KCNIP4: variants seen among roughly 807,000 people sequenced by gnomAD.
The protein encoded by KCNIP4 is Kv channel-interacting protein 4.
A neutral mutation model predicts 34.0 loss-of-function variants in KCNIP4; 12 were observed. The observed-to-expected ratio is 0.35, with a 90% CI of 0.23 to 0.57. KCNIP4 has a LOEUF of 0.57. KCNIP4 is among the 20% of genes least tolerant of loss of function. The pLI is 0.83. For synonymous variants in KCNIP4, 124 were observed against 102.2 expected, an observed-to-expected ratio of 1.21 and a Z score of -1.29; for missense variants, 238 against 311.7, an observed-to-expected ratio of 0.76 and a Z score of 1.78.
chr4:20,948,458 G>A (rs998110764), intron 1 of KCNIP4, among the ~76,000 whole-genome samples: 3 of 152,196 alleles, frequency 2.0e-5, no homozygotes, highest in Non-Finnish European at 4.4e-5. Context: ...CCAGCTTTGA[G>A]GGGGCTCTTA....
intron 1 of KCNIP4, among the ~76,000 whole-genome samples, chr4:21,922,478 A>G (rs566764633): frequency 3.3e-5 from 5 of 152,338 alleles, no homozygotes; most frequent in Non-Finnish European, 5.9e-5. Context: ...CTACCTTAGG[A>G]AAAGTATTTT....
chr4:21,460,926 A>G (rs1729411261), intron 1 of KCNIP4, among the ~76,000 whole-genome samples: 1 of 152,046 alleles, frequency 6.6e-6, no homozygotes, highest in Non-Finnish European at 1.5e-5. Flanking sequence ...CAGGTTCACA[A>G]ATTATTTATT....
chr4:21,717,703 T>C (rs1343010460), intron 1 of KCNIP4, among the ~76,000 whole-genome samples: 1 of 152,182 alleles, frequency 6.6e-6, no homozygotes, highest in Non-Finnish European at 1.5e-5. Context: ...TTTGCACATA[T>C]TAGCCTATGT....
chr4:21,520,873 G>A (rs187821443), intron 1 of KCNIP4, among the ~76,000 whole-genome samples: 190 of 152,176 alleles, frequency 1.2e-3, no homozygotes, highest in Non-Finnish European at 2.4e-3. Flanking sequence ...TTTTATGTGG[G>A]GAAAATGTAT....
In KCNIP4 at chr4:21,858,694, C is replaced by T. The variant is rs139982529; in HGVS notation, c.61+89877G>A. Among the ~76,000 whole-genome samples, 714 of 152,342 alleles carry T rather than the reference C, an allele frequency of 4.7e-3. 7 individuals are homozygous for T. The highest frequency in any genetic ancestry group is 0.015 in the African/African-American group (621 of 41,576). On this transcript the variant is annotated intron_variant, in intron 1 of 8. Transcript: ENST00000382152. ...AGTTAAAAGCAAGGTAACTTGCCAT[C>T]ACTCCTAATTGTGTGTGCTTTTTAG... is the stretch of plus-strand genomic sequence containing the variant.
intron 1 of KCNIP4, among the ~76,000 whole-genome samples, chr4:21,893,095 T>G (rs1398912707): frequency 2.0e-5 from 3 of 152,186 alleles, no homozygotes; most frequent in African/African-American, 7.2e-5. Context: ...AACAAATATC[T>G]GACGAGTAAG....
At chr4:21,896,871 A>G (rs1267270171) in intron 1 of KCNIP4, among the ~76,000 whole-genome samples, 1 of 152,084 alleles carries the variant, frequency 6.6e-6, no homozygotes, top group Non-Finnish European at 1.5e-5. Flanking sequence ...GCGAGCCAAG[A>G]TTGTGACACT....
intron 1 of KCNIP4, among the ~76,000 whole-genome samples, chr4:21,259,684 G>T (rs762051129): frequency 6.6e-6 from 1 of 152,098 alleles, no homozygotes; most frequent in African/African-American, 2.4e-5. Flanking sequence ...AGTGCCTTAC[G>T]GTCAGGTGGG....
chr4:21,648,094 C>T (rs1313885059), intron 1 of KCNIP4, among the ~76,000 whole-genome samples: 6 of 151,702 alleles, frequency 4.0e-5, no homozygotes, highest in African/African-American at 9.7e-5. Context: ...AGGATGGTCT[C>T]GATCTCCTGA....
chr4:21,519,853 A>G (rs1056783653), intron 1 of KCNIP4, among the ~76,000 whole-genome samples: 3 of 133,014 alleles, frequency 2.3e-5, no homozygotes, highest in Non-Finnish European at 5.2e-5. Context: ...GTATATATTT[A>G]TATATTTATT....
intron 3 of KCNIP4, among the ~76,000 whole-genome samples, chr4:20,845,857 C>T (rs1480723943): frequency 6.6e-6 from 1 of 152,134 alleles, no homozygotes; most frequent in African/African-American, 2.4e-5. Flanking sequence ...ACCACAGGAG[C>T]TTAGAAAAGG....
At chr4:21,496,381 C>A (rs1209396097) in intron 1 of KCNIP4, among the ~76,000 whole-genome samples, 1 of 152,122 alleles carries the variant, frequency 6.6e-6, no homozygotes, top group Non-Finnish European at 1.5e-5. Context: ...GACAGCTCAG[C>A]TTGGGGACAC....
At chr4:21,870,300 A>G (rs1022268170) in intron 1 of KCNIP4, among the ~76,000 whole-genome samples, 6 of 152,054 alleles carry the variant, frequency 3.9e-5, no homozygotes, top group Non-Finnish European at 7.4e-5. Flanking sequence ...ACCTCCCCCA[A>G]TCTCCAGCCG....
intron 1 of KCNIP4, among the ~76,000 whole-genome samples, chr4:21,654,826 A>G (rs953341672): frequency 3.9e-5 from 6 of 152,108 alleles, no homozygotes; most frequent in African/African-American, 1.2e-4. Flanking sequence ...TGGGAGGCTG[A>G]GGCAGGAGAA....
chr4:21,529,399 G>A (rs11723127), intron 1 of KCNIP4, among the ~76,000 whole-genome samples: 26,669 of 152,082 alleles, frequency 0.18, 2,725 homozygotes, highest in Middle Eastern at 0.26. Flanking sequence ...AGTGGTTAAA[G>A]CACACTTCCT....
chr4:21,434,349 T>C (rs1486664261), intron 1 of KCNIP4, among the ~76,000 whole-genome samples: 1 of 152,186 alleles, frequency 6.6e-6, no homozygotes, highest in Non-Finnish European at 1.5e-5. Flanking sequence ...TAAGGGACAA[T>C]TCTCATAAAA....
intron 1 of KCNIP4, among the ~76,000 whole-genome samples, chr4:21,815,655 C>A (rs552254393): frequency 1.3e-5 from 2 of 152,252 alleles, no homozygotes; most frequent in East Asian, 3.9e-4. Flanking sequence ...GTTTTGTTAT[C>A]ATTTGATATA....
intron 1 of KCNIP4, among the ~76,000 whole-genome samples, chr4:21,589,103 A>T (rs1206030386): frequency 7.0e-6 from 1 of 142,336 alleles, no homozygotes; most frequent in Non-Finnish European, 1.5e-5. Context: ...AGTCTAAGTA[A>T]TCAGTTAGGA....
intron 1 of KCNIP4, among the ~76,000 whole-genome samples, chr4:21,635,667 AG>A (rs1433600113): frequency 6.6e-6 from 1 of 152,152 alleles, no homozygotes; most frequent in Non-Finnish European, 1.5e-5. Context: ...GTGGAGAAAT[AG>A]GAACACTTTT....
Sources: allele counts gnomAD v4.1 joint callset (sites outside exome capture counted in the v4.1 genomes callset), GRCh38; gene constraint gnomAD v4.1.1; transcripts MANE v1.5; gene names NCBI Gene and HGNC (gene_info 2026-07-23, HGNC 2026-07-21).